SSBP2: variants seen among roughly 807,000 people sequenced by gnomAD.
The protein encoded by SSBP2 is single stranded DNA binding protein 2.
SSBP2 carries 17 observed loss-of-function variants against 61.8 expected under a neutral mutation model. The observed-to-expected ratio is 0.28, with a 90% confidence interval of 0.19 to 0.41. The LOEUF is 0.41. SSBP2 is among the 10% of genes least tolerant of loss of function. The pLI is 1.00. For synonymous variants in SSBP2, 139 were observed against 141.3 expected (o/e 0.98, Z 0.12); for missense variants, 310 against 458.7 (o/e 0.68, Z 2.96).
At chr5:81,522,264 C>T (rs1307260486) in intron 4 of SSBP2, among the ~76,000 whole-genome samples, 1 of 151,876 alleles carries the variant, frequency 6.6e-6, no homozygotes, top group African/African-American at 2.4e-5. Flanking sequence ...TGATATAATG[C>T]CATGTGAAGC....
intron 1 of SSBP2, among the ~76,000 whole-genome samples, chr5:81,749,303 T>TTTTTG (rs78361418): frequency 3.4e-4 from 51 of 152,202 alleles, no homozygotes; most frequent in Admixed American, 6.5e-4. Context: ...GCCTCTCTAA[T>TTTTTG]TTTTGTTTTG....
At chr5:81,473,237 T>C (rs1252438551) in intron 8 of SSBP2, among the ~76,000 whole-genome samples, 3 of 152,244 alleles carry the variant, frequency 2.0e-5, no homozygotes, top group Non-Finnish European at 4.4e-5. Context: ...TGTTCAGTTT[T>C]ATTATTCATT....
At chr5:81,604,435 C>T (rs1334657497) in intron 4 of SSBP2, among the ~76,000 whole-genome samples, 3 of 151,954 alleles carry the variant, frequency 2.0e-5, no homozygotes, top group Middle Eastern at 3.2e-3. Context: ...GTACTGACCA[C>T]ATTAAAGTAA....
intron 10 of SSBP2, among the ~76,000 whole-genome samples, chr5:81,457,819 C>T (rs994589661): frequency 6.6e-6 from 1 of 151,972 alleles, no homozygotes; most frequent in African/African-American, 2.4e-5. Context: ...TGCTACCACA[C>T]CCGGCTAATT....
chr5:81,708,845 A>G (rs929184405), intron 1 of SSBP2, among the ~76,000 whole-genome samples: 1 of 151,980 alleles, frequency 6.6e-6, no homozygotes, highest in African/African-American at 2.4e-5. Flanking sequence ...AAGTGTGTTG[A>G]TCTTTACTCC....
At position 81,668,613 on chromosome 5, in the gene SSBP2, T is replaced by C. The variant is rs547383888; in HGVS notation, c.63-18274A>G. Among the ~76,000 whole-genome samples the C allele has an allele frequency of 2.6e-5, 4 of 152,288 alleles. No individual in the cohort carries two copies. The South Asian group carries it at 8.3e-4, about 32-fold the overall frequency. On this transcript the variant is annotated intron_variant, in intron 1 of 16. Coordinates refer to ENST00000320672, the MANE Select transcript of SSBP2 (RefSeq NM_012446.5). ...GGTTATTTTTAGCCAGTTGAATTAC[T>C]ACTTAAATGGCCTTTCCTCCGTTTA...
chr5:81,636,186 G>GC (rs1245721583), intron 3 of SSBP2, among the ~76,000 whole-genome samples: 1 of 152,294 alleles, frequency 6.6e-6, no homozygotes, highest in East Asian at 1.9e-4. Context: ...CAGGAAGACA[G>GC]CCCTCACCAG....
intron 4 of SSBP2, among the ~76,000 whole-genome samples, chr5:81,583,732 T>C (rs1412194547): frequency 6.6e-5 from 10 of 152,242 alleles, no homozygotes; most frequent in Non-Finnish European, 1.2e-4. Flanking sequence ...TTTTAGATCA[T>C]TGGTGACATA....
intron 1 of SSBP2, among the ~76,000 whole-genome samples, chr5:81,713,588 A>G (rs1754950283): frequency 6.6e-6 from 1 of 152,204 alleles, no homozygotes; most frequent in African/African-American, 2.4e-5. Context: ...AAAGATGTAC[A>G]TCGCCAATAA....
chr5:81,556,314 T>C (rs1428256743), intron 4 of SSBP2, among the ~76,000 whole-genome samples: 2 of 152,124 alleles, frequency 1.3e-5, no homozygotes, highest in East Asian at 3.8e-4. Context: ...CTCCATGTTT[T>C]ACGGGTACCA....
intron 10 of SSBP2, among the ~76,000 whole-genome samples, chr5:81,459,241 A>C (rs1764375169): frequency 6.6e-6 from 1 of 152,126 alleles, no homozygotes; most frequent in African/African-American, 2.4e-5. Flanking sequence ...TACCTAAAAA[A>C]CTAAAAGTCA....
At chr5:81,705,885 C>A (rs961392163) in intron 1 of SSBP2, among the ~76,000 whole-genome samples, 1 of 152,302 alleles carries the variant, frequency 6.6e-6, no homozygotes, top group East Asian at 1.9e-4. Context: ...AACACACATA[C>A]ACTGTTGGTG....
intron 7 of SSBP2, 74 bp downstream of exon 7, chr5:81,474,422 A>T: frequency 7.5e-7 from 1 of 1,326,722 alleles, no homozygotes; most frequent in Non-Finnish European, 1.1e-6. Context: ...ATACAAATAC[A>T]ATTTTCCTTA....
At chr5:81,428,476 A>C (rs1301893620) in intron 16 of SSBP2, 109 bp downstream of exon 16, 1 of 710,946 alleles carries the variant, frequency 1.4e-6, no homozygotes, top group Non-Finnish European at 2.4e-6. Context: ...TAAAAGATAA[A>C]CCTGTTGAAC....
chr5:81,532,613 T>C (rs1323568261), intron 4 of SSBP2, among the ~76,000 whole-genome samples: 1 of 151,990 alleles, frequency 6.6e-6, no homozygotes, highest in African/African-American at 2.4e-5. Flanking sequence ...AGTATAGATT[T>C]ATAGTGGATT....
intron 4 of SSBP2, among the ~76,000 whole-genome samples, chr5:81,561,949 G>A (rs1773071716): frequency 1.3e-5 from 2 of 152,086 alleles, no homozygotes; most frequent in South Asian, 4.1e-4. Context: ...TTGTCACTCA[G>A]GCTAGAGCGC....
intron 4 of SSBP2, among the ~76,000 whole-genome samples, chr5:81,544,812 G>A (rs1046032064): frequency 5.3e-5 from 8 of 152,198 alleles, no homozygotes; most frequent in Non-Finnish European, 8.8e-5. Flanking sequence ...TCCTTTATGT[G>A]AGCAGAGGTC....
chr5:81,681,140 T>C (rs532662504), intron 1 of SSBP2, among the ~76,000 whole-genome samples: 3 of 152,136 alleles, frequency 2.0e-5, no homozygotes, highest in South Asian at 2.1e-4. Flanking sequence ...CCAAAAATAT[T>C]TGGAGGTTAA....
chr5:81,455,162 T>TA lies in SSBP2; in HGVS notation c.687+5892_687+5893insT, dbSNP rs199532499. Among the ~76,000 whole-genome samples, 1,030 of 140,176 alleles carry TA rather than the reference T, an allele frequency of 7.3e-3. 12 individuals are homozygous for TA. The highest frequency in any genetic ancestry group is 0.025 in the African/African-American group (987 of 38,998). The allele number at this position is 140,176 out of a possible 152,430, so 92.0% of individuals were successfully genotyped here. On this transcript the variant is annotated intron_variant, in intron 10 of 16. Coordinates refer to ENST00000320672, the MANE Select transcript of SSBP2 (RefSeq NM_012446.5). The stretch of plus-strand genomic sequence containing the variant: ...CCTACAAATATTTCAAATTTAACGT[T>TA]CAAAAAAAAACAAAAAACAAAGCCC...
Sources: allele counts gnomAD v4.1 joint callset (sites outside exome capture counted in the v4.1 genomes callset), GRCh38; gene constraint gnomAD v4.1.1; transcripts MANE v1.5; gene names NCBI Gene and HGNC (gene_info 2026-07-23, HGNC 2026-07-21).